The following ACMSD variants were observed in gnomAD, a reference collection of about 807,000 sequenced individuals.
The protein encoded by ACMSD is 2-amino-3-carboxymuconate-6-semialdehyde decarboxylase.
ACMSD carries 37 observed loss-of-function variants against 45.9 expected under a neutral mutation model. That is an observed-to-expected ratio of 0.81 (90% confidence interval 0.62 to 1.06). ACMSD has a LOEUF of 1.06. Among genes scored for constraint, ACMSD ranks in the 50% least tolerant of loss-of-function variants. The pLI, the probability that ACMSD is intolerant of heterozygous loss-of-function variation, is 0.00. For synonymous variants in ACMSD, 138 were observed against 148.8 expected, an observed-to-expected ratio of 0.93 and a Z score of 0.53; for missense variants, 434 against 420.9, an observed-to-expected ratio of 1.03 and a Z score of -0.27.
intron 3 of ACMSD, among the ~76,000 whole-genome samples, chr2:134,860,856 CAAAA>C (rs60233157): frequency 2.5e-3 from 182 of 72,470 alleles, no homozygotes; most frequent in South Asian, 0.023. Context: ...CCTGTCTCCA[CAAAA>C]AAAAAAAAAA....
chr2:134,885,238 A>AATATATATTTATATAT (rs1689262975), intron 8 of ACMSD, among the ~76,000 whole-genome samples: 2 of 119,846 alleles, frequency 1.7e-5, no homozygotes, highest in Non-Finnish European at 3.2e-5. Context: ...ATACATATGT[A>AATATATATTTATATAT]AATATATATT....
At chr2:134,839,459 T>C (rs2104800059) in intron 1 of ACMSD, among the ~76,000 whole-genome samples, 1 of 152,316 alleles carries the variant, frequency 6.6e-6, no homozygotes, top group Middle Eastern at 3.4e-3. Flanking sequence ...GAAAGAAATG[T>C]AAAATTGGCT....
chr2:134,859,421 T>C, intron 3 of ACMSD, 64 bp downstream of exon 3: 1 of 1,492,460 alleles, frequency 6.7e-7, no homozygotes, highest in South Asian at 1.1e-5. Flanking sequence ...CCTTAAAGTT[T>C]GCTGACAACT....
intron 1 of ACMSD, among the ~76,000 whole-genome samples, chr2:134,839,212 T>A (rs1686670708): frequency 1.3e-5 from 2 of 152,220 alleles, no homozygotes; most frequent in African/African-American, 4.8e-5. Flanking sequence ...TGAATTTTTT[T>A]AGTCTATTTT....
At chr2:134,852,242 G>C (rs964443670) in intron 2 of ACMSD, among the ~76,000 whole-genome samples, 1 of 152,212 alleles carries the variant, frequency 6.6e-6, no homozygotes, top group Non-Finnish European at 1.5e-5. Context: ...CCATTCAAGA[G>C]TTTTAAGTGG....
rs766928087 is a variant in ACMSD, at chr2:134,898,445, A to C, written c.948+6A>C. 2.5e-6 allele frequency: 4 copies of C among 1,574,648 alleles called. No homozygotes were observed. In the Admixed American group the frequency reaches 7.7e-5, roughly 30 times the overall value. ...AATTTGATGAAGAAACAAAGGTATA[A>C]TGTCTTTTACTTCACGGCTTTCTTA... On this transcript the variant is annotated splice_donor_region_variant and intron_variant, in intron 9 of 9. Coordinates refer to ENST00000356140, the MANE Select transcript of ACMSD (RefSeq NM_138326.3).
chr2:134,882,141 G>A (rs1348286112), intron 8 of ACMSD, among the ~76,000 whole-genome samples: 1 of 152,080 alleles, frequency 6.6e-6, no homozygotes, highest in Non-Finnish European at 1.5e-5. Flanking sequence ...AAAGGTGGGG[G>A]AGGGTACCTG....
intron 5 of ACMSD, among the ~76,000 whole-genome samples, chr2:134,864,111 A>T (rs1687981399): frequency 6.6e-6 from 1 of 151,996 alleles, no homozygotes; most frequent in South Asian, 2.1e-4. Context: ...TCTACTAAAA[A>T]TACAAAAAAA....
intron 8 of ACMSD, among the ~76,000 whole-genome samples, chr2:134,874,258 CTG>C (rs1688618568): frequency 6.6e-6 from 1 of 152,326 alleles, no homozygotes; most frequent in South Asian, 2.1e-4. Flanking sequence ...TACATTCAAA[CTG>C]TGAAAGCTTG....
intron 8 of ACMSD, among the ~76,000 whole-genome samples, chr2:134,896,111 T>A (rs1690133570): frequency 1.3e-5 from 2 of 151,998 alleles, no homozygotes; most frequent in Non-Finnish European, 2.9e-5. Context: ...GTAAAAAAAA[T>A]AAATAAAGTT....
Position 134,872,472 on chromosome 2 carries a change from G to T in ACMSD, c.680G>T (p.Gly227Val). The T allele has an allele frequency of 6.2e-7, 1 of 1,614,110 alleles. No homozygotes were observed. Among genetic ancestry groups the T allele is most frequent in the Non-Finnish European group, 8.5e-7 (1 of 1,180,018 alleles). The change falls in exon 8 of 10, where the codon GGT (glycine) becomes GTT (valine). Residue 227 changes from glycine to valine, a missense_variant. By Grantham distance (109) the Gly-to-Val change is moderately radical. Transcript: ENST00000356140. ...KLKVCFAHGG[G>V]AFPFTVGRIS... ...CAGTAATGGGTTTTACTTGCAGGTG[G>T]TGCCTTCCCCTTCACAGTGGGAAGA...
intron 8 of ACMSD, among the ~76,000 whole-genome samples, chr2:134,873,893 G>A (rs1688595859): frequency 6.6e-6 from 1 of 152,154 alleles, no homozygotes; most frequent in Non-Finnish European, 1.5e-5. Flanking sequence ...TGGACATTGA[G>A]CAATGGAGGA....
In ACMSD at chr2:134,843,906, C is replaced by G. The variant is rs575325968; in HGVS notation, c.58-1327C>G. On this transcript the variant is annotated intron_variant, in intron 1 of 9. Transcript: ENST00000356140. ...TTAGGTCAGCTCCCTCGCCAAGGCC[C>G]CCAGAGCACCTGTGCATCACAGTCA... Among the ~76,000 whole-genome samples the G allele has an allele frequency of 2.0e-5, 3 of 152,324 alleles. No individual in the cohort carries two copies. The East Asian group carries it at 5.8e-4, about 29-fold the overall frequency.
Position 134,870,114 on chromosome 2 carries a change from G to C in ACMSD, c.581-851G>C, listed in dbSNP as rs755914413. On this transcript the variant is annotated intron_variant, in intron 6 of 9. Coordinates refer to ENST00000356140, the MANE Select transcript of ACMSD (RefSeq NM_138326.3). Reference sequence around the variant, plus strand: ...CTAGCTCCGCAGCCTACAGAGTCAGGCTTCCCCAGAAGGTGCAGGGCACAG... The same window carrying C: ...CTAGCTCCGCAGCCTACAGAGTCAGCCTTCCCCAGAAGGTGCAGGGCACAG... Among the ~76,000 whole-genome samples the C allele has an allele frequency of 2.0e-5, 3 of 152,202 alleles. No individual in the cohort carries two copies. In the South Asian group the frequency reaches 6.2e-4, roughly 32 times the overall value.
intron 2 of ACMSD, among the ~76,000 whole-genome samples, chr2:134,848,636 T>G (rs1365106876): frequency 6.6e-6 from 1 of 152,204 alleles, no homozygotes; most frequent in Non-Finnish European, 1.5e-5. Flanking sequence ...TTTTTTTTCT[T>G]GTAAATTTGT....
At chr2:134,882,457 C>T (rs1689093351) in intron 8 of ACMSD, among the ~76,000 whole-genome samples, 1 of 152,186 alleles carries the variant, frequency 6.6e-6, no homozygotes, top group African/African-American at 2.4e-5. Flanking sequence ...TAACATAATA[C>T]TATGCCAAAG....
intron 2 of ACMSD, among the ~76,000 whole-genome samples, chr2:134,847,449 T>G (rs142872879): frequency 5.4e-5 from 7 of 128,594 alleles, no homozygotes; most frequent in Admixed American, 1.6e-4. Flanking sequence ...GATAGATAGA[T>G]ATAGATAGAG....
At chr2:134,880,613 G>A (rs74437351) in intron 8 of ACMSD, among the ~76,000 whole-genome samples, 1 of 151,580 alleles carries the variant, frequency 6.6e-6, no homozygotes, top group Non-Finnish European at 1.5e-5. Context: ...TTAATATCCT[G>A]TCCTTGTTGG....
chr2:134,844,743 G>A (rs1573613811), intron 1 of ACMSD, among the ~76,000 whole-genome samples: 1 of 152,108 alleles, frequency 6.6e-6, no homozygotes, highest in Non-Finnish European at 1.5e-5. Flanking sequence ...GAAAGCAAAG[G>A]GATATGAGCG....
Sources: allele counts gnomAD v4.1 joint callset (sites outside exome capture counted in the v4.1 genomes callset), GRCh38; gene constraint gnomAD v4.1.1; transcripts MANE v1.5; gene names NCBI Gene and HGNC (gene_info 2026-07-23, HGNC 2026-07-21).